The following TMEM132D variants were observed in gnomAD, a reference collection of about 807,000 sequenced individuals.
TMEM132D encodes transmembrane protein 132D.
In TMEM132D, 21 loss-of-function variants were observed where a neutral mutation model predicts 62.3. That is an observed-to-expected ratio of 0.34 (90% confidence interval 0.24 to 0.49). The LOEUF (loss-of-function observed/expected upper bound fraction) is 0.49. TMEM132D is among the 20% of genes least tolerant of loss of function. TMEM132D has a pLI of 0.99. For missense variants in TMEM132D, 1,346 were observed against 1,402.8 expected (o/e 0.96, Z 0.65); for synonymous variants, 621 against 575.6 (o/e 1.08, Z -1.13).
intron 2 of TMEM132D, among the ~76,000 whole-genome samples, chr12:129,602,475 C>A (rs1878506402): frequency 6.6e-6 from 1 of 151,658 alleles, no homozygotes; most frequent in Non-Finnish European, 1.5e-5. Context: ...AAAAAAAAAA[C>A]TGAAAAGTAG....
At chr12:129,110,206 T>C (rs1036503786) in intron 5 of TMEM132D, 2 of 152,252 alleles carry the variant, frequency 1.3e-5, no homozygotes, top group African/African-American at 4.8e-5. Flanking sequence ...ACAACTGCAG[T>C]CCTCAATTAA....
chr12:129,289,055 A>C (rs1881375306), intron 4 of TMEM132D, among the ~76,000 whole-genome samples: 2 of 152,128 alleles, frequency 1.3e-5, no homozygotes, highest in Admixed American at 1.3e-4. Context: ...AAAATAGTCA[A>C]ACTCATAGAA....
At chr12:129,835,696 T>C (rs1251827678) in intron 1 of TMEM132D, among the ~76,000 whole-genome samples, 1 of 152,200 alleles carries the variant, frequency 6.6e-6, no homozygotes, top group Non-Finnish European at 1.5e-5. Context: ...TATAGTTGTG[T>C]GATTAAACGG....
chr12:129,731,320 TA>T (rs200720836), intron 1 of TMEM132D, among the ~76,000 whole-genome samples: 35 of 151,366 alleles, frequency 2.3e-4, no homozygotes, highest in Admixed American at 1.4e-3. Context: ...GAGGCAGACT[TA>T]AAAAAAAATG....
At chr12:129,169,703 A>C (rs1877666828) in intron 5 of TMEM132D, among the ~76,000 whole-genome samples, 1 of 152,168 alleles carries the variant, frequency 6.6e-6, no homozygotes, top group Non-Finnish European at 1.5e-5. Flanking sequence ...CTTCATCAAT[A>C]AGAGGGGATT....
intron 1 of TMEM132D, among the ~76,000 whole-genome samples, chr12:129,720,721 CAG>C (rs1868792776): frequency 6.6e-6 from 1 of 152,238 alleles, no homozygotes. Context: ...CAGCAATGAA[CAG>C]AGAGAATCTG....
chr12:129,686,693 C>G (rs1880928879), intron 2 of TMEM132D, among the ~76,000 whole-genome samples: 1 of 152,188 alleles, frequency 6.6e-6, no homozygotes, highest in Admixed American at 6.5e-5. Context: ...AAGCAAATCC[C>G]ACACAAGCAC....
At chr12:129,283,362 T>G (rs1390053320) in intron 4 of TMEM132D, among the ~76,000 whole-genome samples, 1 of 152,124 alleles carries the variant, frequency 6.6e-6, no homozygotes, top group Non-Finnish European at 1.5e-5. Flanking sequence ...CAGCTAATTG[T>G]TGTATTTTTA....
intron 5 of TMEM132D, among the ~76,000 whole-genome samples, chr12:129,158,334 G>A (rs1877303231): frequency 6.6e-6 from 1 of 152,070 alleles, no homozygotes; most frequent in African/African-American, 2.4e-5. Flanking sequence ...AAATCAAGAA[G>A]GACTCCTTTT....
intron 5 of TMEM132D, among the ~76,000 whole-genome samples, chr12:129,190,908 C>A (rs990611685): frequency 1.3e-5 from 2 of 151,488 alleles, no homozygotes; most frequent in Non-Finnish European, 2.9e-5. Context: ...GCCGGTGAGA[C>A]CCCCTCAGAC....
chr12:129,465,777 G>T lies in TMEM132D; in HGVS notation c.1115+65282C>A, dbSNP rs143703978. On this transcript the variant is annotated intron_variant, in intron 3 of 8. Transcript: ENST00000422113. ...AGCTCACTGTAACCTCTGCCTCCCA[G>T]GTTCAGGTGATTTTTGTGCCTCAGC... 9.1e-3 allele frequency among the ~76,000 whole-genome samples: 1,380 copies of T among 152,218 alleles called. 24 individuals carry two copies. The highest frequency in any genetic ancestry group is 0.032 in the African/African-American group (1,309 of 41,542).
chr12:129,818,829 G>T (rs1359912296), intron 1 of TMEM132D, among the ~76,000 whole-genome samples: 2 of 151,908 alleles, frequency 1.3e-5, no homozygotes, highest in African/African-American at 4.8e-5. Context: ...GAGCCCAGGA[G>T]TTGGAGATCA....
At chr12:129,721,018 C>A (rs1308547896) in intron 1 of TMEM132D, among the ~76,000 whole-genome samples, 2 of 152,178 alleles carry the variant, frequency 1.3e-5, no homozygotes, top group Non-Finnish European at 2.9e-5. Flanking sequence ...GCCGCATCTG[C>A]GTGTGGAGGG....
intron 3 of TMEM132D, among the ~76,000 whole-genome samples, chr12:129,456,263 G>T (rs1398151380): frequency 6.6e-6 from 1 of 152,096 alleles, no homozygotes; most frequent in African/African-American, 2.4e-5. Context: ...GAGTATATGA[G>T]CACAGTGCCA....
intron 2 of TMEM132D, among the ~76,000 whole-genome samples, chr12:129,589,569 C>A (rs1348672679): frequency 6.6e-6 from 1 of 152,168 alleles, no homozygotes. Flanking sequence ...CCGTGTAGAC[C>A]CCCACACATA....
intron 4 of TMEM132D, among the ~76,000 whole-genome samples, chr12:129,221,690 T>C (rs1253676535): frequency 6.6e-6 from 1 of 152,120 alleles, no homozygotes; most frequent in African/African-American, 2.4e-5. Flanking sequence ...AAAAAACCTT[T>C]TCAATCAATT....
chr12:129,604,344 A>G (rs528280895), intron 2 of TMEM132D, among the ~76,000 whole-genome samples: 1 of 152,294 alleles, frequency 6.6e-6, no homozygotes, highest in East Asian at 1.9e-4. Context: ...TTAAAAATAT[A>G]TATATTCCAT....
Position 129,464,798 on chromosome 12 carries a change from A to T in TMEM132D, c.1115+66261T>A, listed in dbSNP as rs556847030. Among the ~76,000 whole-genome samples the T allele has an allele frequency of 1.5e-3, 227 of 152,140 alleles. 3 individuals carry two copies. The highest frequency in any genetic ancestry group is 4.8e-3 in the South Asian group (23 of 4,814). On this transcript the variant is annotated intron_variant, in intron 3 of 8. Transcript: ENST00000422113. ...GATAGTTGTAGATATGCGGCGTTAT[A>T]TCTGAGGGCTCTGTTCTGTTCCATT...
At chr12:129,470,397 G>A (rs745999695) in intron 3 of TMEM132D, among the ~76,000 whole-genome samples, 1 of 152,202 alleles carries the variant, frequency 6.6e-6, no homozygotes, top group Non-Finnish European at 1.5e-5. Context: ...TGTAGTTTAT[G>A]TAAGAGAAAC....
Sources: gnomAD v4.1 joint callset for allele counts (sites outside exome capture counted in the v4.1 genomes callset) on GRCh38, gnomAD v4.1.1 for gene constraint, MANE v1.5 for transcripts, NCBI Gene and HGNC (gene_info 2026-07-23, HGNC 2026-07-21) for gene names.